Variants in RAD54L2 observed in about 807,000 individuals in gnomAD.
The protein encoded by RAD54L2 is helicase ARIP4.
A neutral mutation model predicts 138.4 loss-of-function variants in RAD54L2; 27 were observed. The observed-to-expected ratio is 0.20, with a 90% confidence interval of 0.14 to 0.27. RAD54L2 has a LOEUF of 0.27. Among genes scored for constraint, RAD54L2 ranks in the 10% least tolerant of loss-of-function variants. The pLI is 1.00. For missense variants in RAD54L2, 1,396 were observed against 1,890.2 expected, an observed-to-expected ratio of 0.74 and a Z score of 4.85; for synonymous variants, 644 against 723.2, an observed-to-expected ratio of 0.89 and a Z score of 1.76.
chr3:51,607,070 TTTTTTTTA>T (rs1367107953), intron 3 of RAD54L2, among the ~76,000 whole-genome samples: 2 of 143,136 alleles, frequency 1.4e-5, no homozygotes, highest in South Asian at 2.1e-4. Context: ...CTCTTTTTAT[TTTTTTTTA>T]TTTTTTTATT....
intron 3 of RAD54L2, among the ~76,000 whole-genome samples, chr3:51,617,721 T>G (rs1453542797): frequency 6.6e-6 from 1 of 152,038 alleles, no homozygotes; most frequent in African/African-American, 2.4e-5. Flanking sequence ...ACAAAAAATT[T>G]AAAAATTAGC....
intron 2 of RAD54L2, among the ~76,000 whole-genome samples, chr3:51,563,600 G>C (rs1397043322): frequency 2.0e-5 from 3 of 152,168 alleles, no homozygotes; most frequent in African/African-American, 7.2e-5. Context: ...TTCCCTCCCC[G>C]GTGTGTTCAT....
chr3:51,549,790 A>G (rs1448322425), intron 2 of RAD54L2, among the ~76,000 whole-genome samples: 1 of 151,796 alleles, frequency 6.6e-6, no homozygotes. Flanking sequence ...AAAAAAAAAA[A>G]AAAAAGGGGG....
Position 51,538,735 on chromosome 3 carries a change from G to A in RAD54L2, c.-297G>A, listed in dbSNP as rs1553670615. Among the ~76,000 whole-genome samples, 1 of 151,980 alleles carries A rather than the reference G, an allele frequency of 6.6e-6. No individual in the cohort carries two copies. Among genetic ancestry groups the A allele is most frequent in the African/African-American group, 2.4e-5 (1 of 41,428 alleles). On this transcript the variant is annotated 5_prime_UTR_variant, in exon 1 of 23. Coordinates refer to ENST00000684192, the MANE Select transcript of RAD54L2 (RefSeq NM_015106.4). ...TGAGCGGAGGCTGGCGAGCGCCGCC[G>A]CCGGTGGAGACCGACGCTTGGCCAG... is the stretch of plus-strand genomic sequence containing the variant.
At chr3:51,555,965 T>G (rs1428467570) in intron 2 of RAD54L2, among the ~76,000 whole-genome samples, 1 of 152,184 alleles carries the variant, frequency 6.6e-6, no homozygotes, top group Non-Finnish European at 1.5e-5. Flanking sequence ...TTTCTCTATA[T>G]TCATTCTCCC....
At chr3:51,629,165 T>C (rs1420740400) in intron 4 of RAD54L2, among the ~76,000 whole-genome samples, 169 bp from the exon 5 acceptor site, 2 of 152,188 alleles carry the variant, frequency 1.3e-5, no homozygotes, top group East Asian at 1.9e-4. Flanking sequence ...GAGTTTGATA[T>C]CCTGTTTTTT....
At position 51,665,056 on chromosome 3, in the gene RAD54L2, TAAA is replaced by T. The variant is rs985885836; in HGVS notation, c.*1638_*1640del. ...GGAGCCCTAAGTCTGGGTTTTATCT[TAAA>T]AGAACACACCAGTCATTCTGGGTCT... On this transcript the variant is annotated 3_prime_UTR_variant, in exon 23 of 23. Coordinates refer to ENST00000684192, the MANE Select transcript of RAD54L2 (RefSeq NM_015106.4). 3 of 152,130 alleles carry T rather than the reference TAAA, an allele frequency of 2.0e-5. No homozygotes were observed. The highest frequency in any genetic ancestry group is 6.5e-5 in the Admixed American group (1 of 15,270). 9.4% of individuals were successfully genotyped at this position (152,130 alleles called of 1,614,324 possible).
At chr3:51,607,953 T>C (rs13434212) in intron 3 of RAD54L2, among the ~76,000 whole-genome samples, 6 of 127,142 alleles carry the variant, frequency 4.7e-5, no homozygotes, top group African/African-American at 2.2e-4. Flanking sequence ...CCGGACGGGG[T>C]GGCTGGCCGG....
Position 51,630,908 on chromosome 3 carries a change from G to A in RAD54L2, c.802G>A (p.Ala268Thr). ...EENVFLAPQL[A>T]RAVKPHQIGG... ...AAATGTCTTCCTTGCCCCACAGTTG[G>A]CACGGGCTGTGAAACCTCATCAGGT... Residue 268 changes from alanine (A) to threonine (T), a missense_variant, in exon 7 of 23, where the codon GCA (alanine) becomes ACA (threonine). Coordinates refer to ENST00000684192, the MANE Select transcript of RAD54L2 (RefSeq NM_015106.4). The A allele has an allele frequency of 6.2e-7, 1 of 1,613,432 alleles. No individual in the cohort carries two copies. The highest frequency in any genetic ancestry group is 2.2e-5 in the East Asian group (1 of 44,884).
chr3:51,590,441 A>C lies in RAD54L2; in HGVS notation c.21A>C (p.Ser7=). Residue 7 remains serine, a synonymous_variant, in exon 3 of 23, where the codon TCA becomes TCC. Transcript: ENST00000684192. MSDESA[S]GSDPDLDPDV... ...GAGCCATGTCAGACGAATCTGCCTC[A>C]GGGAGCGATCCAGACCTGGACCCGG... The C allele has an allele frequency of 6.5e-7, 1 of 1,546,488 alleles. No individual in the cohort carries two copies. The highest frequency in any genetic ancestry group is 8.7e-7 in the Non-Finnish European group (1 of 1,143,562).
chr3:51,618,032 C>T (rs1027960391), intron 3 of RAD54L2, among the ~76,000 whole-genome samples: 7 of 152,062 alleles, frequency 4.6e-5, no homozygotes, highest in African/African-American at 1.7e-4. Flanking sequence ...TATCTCGCCT[C>T]ATTACAACCT....
intron 15 of RAD54L2, among the ~76,000 whole-genome samples, chr3:51,642,684 C>CGGA (rs1701170529): frequency 6.6e-6 from 1 of 152,042 alleles, no homozygotes; most frequent in Admixed American, 6.6e-5. Context: ...CAAAATGTCC[C>CGGA]GTGGGGAGTG....
At chr3:51,590,587 G>T (rs543742447) in intron 3 of RAD54L2, 28 bp downstream of exon 3, 36 of 1,552,356 alleles carry the variant, frequency 2.3e-5, no homozygotes, top group Non-Finnish European at 3.0e-5. Flanking sequence ...AGTGACAGAA[G>T]TTGCCTTATA....
At chr3:51,554,371 A>C (rs1466818020) in intron 2 of RAD54L2, among the ~76,000 whole-genome samples, 1 of 151,942 alleles carries the variant, frequency 6.6e-6, no homozygotes, top group Non-Finnish European at 1.5e-5. Context: ...TTTCAAAAAA[A>C]AAAAAAAAAT....
chr3:51,658,012 C>G (rs1355725269), intron 21 of RAD54L2, among the ~76,000 whole-genome samples: 1 of 149,640 alleles, frequency 6.7e-6, no homozygotes, highest in African/African-American at 2.5e-5. Context: ...GCAACCTCCA[C>G]CTCCCAGGTT....
intron 2 of RAD54L2, among the ~76,000 whole-genome samples, chr3:51,559,660 A>T (rs1699054462): frequency 6.6e-6 from 1 of 152,132 alleles, no homozygotes; most frequent in South Asian, 2.1e-4. Flanking sequence ...TTTTTACTTA[A>T]CTTTTGGGTA....
chr3:51,653,492 T>C (rs971004503), intron 19 of RAD54L2, among the ~76,000 whole-genome samples: 1 of 152,238 alleles, frequency 6.6e-6, no homozygotes, highest in Non-Finnish European at 1.5e-5. Context: ...GTATGTTTAT[T>C]GCGGCACTAT....
chr3:51,585,170 T>A (rs1184016966), intron 2 of RAD54L2, among the ~76,000 whole-genome samples: 1 of 151,984 alleles, frequency 6.6e-6, no homozygotes, highest in African/African-American at 2.4e-5. Flanking sequence ...TCCAGTGTTT[T>A]GTATAGATAT....
intron 2 of RAD54L2, among the ~76,000 whole-genome samples, chr3:51,586,850 T>A (rs1388825233): frequency 1.3e-5 from 2 of 152,102 alleles, no homozygotes; most frequent in Non-Finnish European, 2.9e-5. Flanking sequence ...ATTACAGATG[T>A]GAGCCACCAT....
Sources: gnomAD v4.1 joint callset for allele counts (sites outside exome capture counted in the v4.1 genomes callset) on GRCh38, gnomAD v4.1.1 for gene constraint, MANE v1.5 for transcripts, NCBI Gene and HGNC (gene_info 2026-07-23, HGNC 2026-07-21) for gene names.